The following FHOD3 variants were observed in gnomAD, a reference collection of about 807,000 sequenced individuals.
FHOD3 encodes the protein FH1/FH2 domain-containing protein 3.
In FHOD3, 90 loss-of-function variants were observed where a neutral mutation model predicts 173.0. That is an observed-to-expected ratio of 0.52 (90% CI 0.44 to 0.62). The LOEUF (loss-of-function observed/expected upper bound fraction) is 0.62, where lower values mean the gene tolerates loss of function less well. FHOD3 is among the 20% of genes least tolerant of loss of function. The pLI, the probability that FHOD3 is intolerant of heterozygous loss-of-function variation, is 0.00. For synonymous variants in FHOD3, 828 were observed against 823.0 expected, an observed-to-expected ratio of 1.01 and a Z score of -0.10; for missense variants, 1,945 against 2,034.7, an observed-to-expected ratio of 0.96 and a Z score of 0.85.
At chr18:36,367,980 A>G (rs1272603318) in intron 2 of FHOD3, among the ~76,000 whole-genome samples, 1 of 151,250 alleles carries the variant, frequency 6.6e-6, no homozygotes, top group Non-Finnish European at 1.5e-5. Flanking sequence ...TTCCACCATG[A>G]TGGTGAATTT....
In FHOD3 at chr18:36,652,696, G is replaced by C. The variant is rs1257222707; in HGVS notation, c.1413G>C (p.Gly471=). 3 of 1,535,606 alleles carry C rather than the reference G, an allele frequency of 2.0e-6. No individual in the cohort carries two copies. Among genetic ancestry groups the C allele is most frequent in the Non-Finnish European group, 2.6e-6 (3 of 1,146,674 alleles). The change falls in exon 12 of 29, where the codon GGG becomes GGC. Residue 471 remains glycine (G), a synonymous_variant. Coordinates refer to ENST00000590592, the MANE Select transcript of FHOD3 (RefSeq NM_001281740.3). ...GKPLLVGTAG[G]TTWHSGSSGS... is the part of the protein sequence containing the mutation. ...CGCTTCTGGTTGGCACTGCAGGCGG[G>C]ACCACCTGGCACAGTGGGTCCTCTG...
At chr18:36,723,145 C>G (rs1412979990) in intron 19 of FHOD3, among the ~76,000 whole-genome samples, 3 of 152,164 alleles carry the variant, frequency 2.0e-5, no homozygotes, top group African/African-American at 7.2e-5. Flanking sequence ...CTTCCTCTCT[C>G]CTGGGTCTCT....
chr18:36,371,340 C>T (rs1013605687), intron 2 of FHOD3, among the ~76,000 whole-genome samples: 1 of 152,220 alleles, frequency 6.6e-6, no homozygotes, highest in Non-Finnish European at 1.5e-5. Flanking sequence ...GTTTAATGGA[C>T]TCACAGTTCC....
intron 5 of FHOD3, among the ~76,000 whole-genome samples, chr18:36,529,107 A>G (rs2056664094): frequency 6.6e-6 from 1 of 152,210 alleles, no homozygotes; most frequent in African/African-American, 2.4e-5. Context: ...GCTGTTGGTG[A>G]TGCATGTACT....
At chr18:36,594,642 A>G (rs1434334206) in intron 6 of FHOD3, 145 bp from the exon 7 acceptor site, 1 of 607,960 alleles carries the variant, frequency 1.6e-6, no homozygotes, top group East Asian at 2.8e-5. Context: ...CTAATGAGGG[A>G]TTGTGAGGAT....
chr18:36,586,672 A>G (rs1028461214), intron 6 of FHOD3, among the ~76,000 whole-genome samples: 1 of 152,040 alleles, frequency 6.6e-6, no homozygotes, highest in African/African-American at 2.4e-5. Flanking sequence ...TGTTTTTAGT[A>G]GAGACAGATT....
In FHOD3 at chr18:36,484,745, C is replaced by T. The variant is rs79800050; in HGVS notation, c.338-17187C>T. Among the ~76,000 whole-genome samples the T allele has an allele frequency of 2.5e-4, 37 of 150,276 alleles. No individual in the cohort carries two copies. The East Asian group carries it at 5.4e-3, about 22-fold the overall frequency. ...TATGTAGACACAGGAAAAGCTCCAG[C>T]CCCCCAGGGGGTGTGGTGAAGGCTG... On this transcript the variant is annotated intron_variant, in intron 3 of 28. Transcript: ENST00000590592.
chr18:36,329,824 C>T, intron 1 of FHOD3, among the ~76,000 whole-genome samples: 1 of 145,930 alleles, frequency 6.9e-6, no homozygotes, highest in African/African-American at 2.5e-5. Context: ...GAGAACTAAG[C>T]AGGGTGCCCA....
chr18:36,468,536 G>A (rs928726240), intron 3 of FHOD3, among the ~76,000 whole-genome samples: 1 of 152,298 alleles, frequency 6.6e-6, no homozygotes. Flanking sequence ...GTGCCCTGTG[G>A]GTGTGAGCCA....
intron 27 of FHOD3, among the ~76,000 whole-genome samples, chr18:36,763,852 G>A (rs1392146658): frequency 1.3e-5 from 2 of 152,076 alleles, no homozygotes; most frequent in African/African-American, 4.8e-5. Flanking sequence ...GACACCCTAA[G>A]TATTTGCATA....
At chr18:36,747,468 C>A (rs949844919) in intron 24 of FHOD3, among the ~76,000 whole-genome samples, 17 of 152,196 alleles carry the variant, frequency 1.1e-4, no homozygotes, top group Non-Finnish European at 2.1e-4. Flanking sequence ...ATAGAGAGGA[C>A]ACTCCCTTTC....
intron 3 of FHOD3, among the ~76,000 whole-genome samples, chr18:36,377,097 TAGCTACA>T (rs2047478656): frequency 6.6e-6 from 1 of 152,180 alleles, no homozygotes; most frequent in African/African-American, 2.4e-5. Flanking sequence ...GAGCCTCCTG[TAGCTACA>T]GTATAGGGGT....
intron 2 of FHOD3, among the ~76,000 whole-genome samples, chr18:36,356,740 A>G (rs7234634): frequency 0.26 from 39,236 of 151,726 alleles, 5,204 homozygotes; most frequent in Admixed American, 0.34. Context: ...GGTTCCAGCA[A>G]TTCTCCTGCC....
rs1319390461 is a variant in FHOD3, at chr18:36,594,842, C to T, written c.662C>T (p.Ser221Leu). 8 of 1,613,774 alleles carry T rather than the reference C, an allele frequency of 5.0e-6. No homozygotes were observed. The highest frequency in any genetic ancestry group is 3.3e-5 in the South Asian group (3 of 91,024). Reference sequence around the variant, plus strand: ...CTGCTGCTCGTCTTTGTAGAGTACTCGGAGTCCAACGCACCTCTCCTAATT... The same window carrying T: ...CTGCTGCTCGTCTTTGTAGAGTACTTGGAGTCCAACGCACCTCTCCTAATT... The part of the protein sequence containing the change: ...LKLLLVFVEY[S>L]ESNAPLLIQA... Residue 221 changes from serine (S) to leucine (L), a missense_variant, in exon 7 of 29, where the codon TCG (serine) becomes TTG (leucine). Transcript: ENST00000590592.
chr18:36,710,902 A>G (rs1473358483), intron 18 of FHOD3: 4 of 152,238 alleles, frequency 2.6e-5, no homozygotes, highest in Non-Finnish European at 5.9e-5. Context: ...AAGAATTATT[A>G]ATCATAACTG....
intron 3 of FHOD3, among the ~76,000 whole-genome samples, chr18:36,450,468 TTTATTTATTTA>T (rs1428662733): frequency 4.7e-5 from 6 of 126,524 alleles, no homozygotes; most frequent in African/African-American, 2.6e-4. Context: ...TATTTATTTA[TTTATTTATTTA>T]TTTATTTAAT....
chr18:36,742,170 G>A (rs999102059), intron 21 of FHOD3, among the ~76,000 whole-genome samples: 4 of 152,082 alleles, frequency 2.6e-5, no homozygotes, highest in Non-Finnish European at 5.9e-5. Context: ...AGTGAGGGTG[G>A]GGGAGATGGA....
intron 3 of FHOD3, among the ~76,000 whole-genome samples, chr18:36,441,038 A>G (rs922836781): frequency 6.6e-6 from 1 of 152,008 alleles, no homozygotes; most frequent in Non-Finnish European, 1.5e-5. Flanking sequence ...TATTTTCCCC[A>G]ATTGCATGGT....
chr18:36,686,943 C>T (rs1348671490), intron 15 of FHOD3, among the ~76,000 whole-genome samples, 185 bp from the exon 16 acceptor site: 2 of 152,060 alleles, frequency 1.3e-5, no homozygotes, highest in African/African-American at 2.4e-5. Flanking sequence ...TATTGAAGAT[C>T]GATTGTATTT....
Sources: allele counts gnomAD v4.1 joint callset (sites outside exome capture counted in the v4.1 genomes callset), GRCh38; gene constraint gnomAD v4.1.1; transcripts MANE v1.5; gene names NCBI Gene and HGNC (gene_info 2026-07-23, HGNC 2026-07-21).